The following DOCK7 variants were observed in gnomAD, a reference collection of about 807,000 sequenced individuals.
DOCK7 encodes the protein dedicator of cytokinesis 7.
DOCK7 carries 138 observed loss-of-function variants against 271.0 expected under a neutral mutation model. That is an observed-to-expected ratio of 0.51 (90% CI 0.44 to 0.59). The LOEUF is 0.59. Ranked by LOEUF, DOCK7 falls within the 20% of genes least tolerant of loss-of-function variation. The pLI is 0.00. For missense variants in DOCK7, 2,066 were observed against 2,592.4 expected (o/e 0.80, Z 4.41); for synonymous variants, 823 against 876.1 (o/e 0.94, Z 1.07).
At chr1:62,501,583 G>T (rs1270718194) in intron 37 of DOCK7, among the ~76,000 whole-genome samples, 1 of 152,068 alleles carries the variant, frequency 6.6e-6, no homozygotes. Flanking sequence ...TCATTAAAGG[G>T]AGTTAATAGA....
At chr1:62,513,020 A>AT (rs1644534255) in intron 33 of DOCK7, among the ~76,000 whole-genome samples, 1 of 151,960 alleles carries the variant, frequency 6.6e-6, no homozygotes, top group South Asian at 2.1e-4. Context: ...CAACAAATGC[A>AT]CTACTCTGAT....
At chr1:62,644,779 T>C (rs1656440344) in intron 7 of DOCK7, among the ~76,000 whole-genome samples, 1 of 152,220 alleles carries the variant, frequency 6.6e-6, no homozygotes, top group Admixed American at 6.5e-5. Context: ...TCTGACTGTT[T>C]CTGAACTTCT....
chr1:62,487,614 T>C (rs890708429), intron 42 of DOCK7: 8 of 470,790 alleles, frequency 1.7e-5, no homozygotes, highest in Non-Finnish European at 2.7e-5. Context: ...ATTTTGCCTT[T>C]TAAAAACTTT....
At chr1:62,640,673 TA>T in intron 7 of DOCK7, among the ~76,000 whole-genome samples, 1 of 152,208 alleles carries the variant, frequency 6.6e-6, no homozygotes, top group Non-Finnish European at 1.5e-5. Context: ...TGTCTATAAA[TA>T]CCCTTTGTAC....
At chr1:62,604,569 A>G in intron 14 of DOCK7, 1 of 1,498,092 alleles carries the variant, frequency 6.7e-7, no homozygotes, top group Non-Finnish European at 9.3e-7. Context: ...ACTTACGGGG[A>G]AATACAGTAA....
chr1:62,471,539 T>C (rs1485193670), intron 48 of DOCK7, among the ~76,000 whole-genome samples: 1 of 152,266 alleles, frequency 6.6e-6, no homozygotes, highest in Admixed American at 6.5e-5. Context: ...GGCATGGTGG[T>C]GCACACCATA....
chr1:62,561,712 T>C lies in DOCK7; in HGVS notation c.2113-9A>G, dbSNP rs531912714. 9 of 1,507,152 alleles carry C rather than the reference T, an allele frequency of 6.0e-6. No homozygotes were observed. The African/African-American group carries it at 6.0e-5, about 10-fold the overall frequency. The allele number at this position is 1,507,152 out of a possible 1,614,324, so 93.4% of individuals were successfully genotyped here. ...ATGCCAGGTAGAGGAACCTGTAAGA[T>C]ATTAAATATAATGATCACAGATGCT... is the stretch of plus-strand genomic sequence containing the variant. On this transcript the variant is annotated splice_polypyrimidine_tract_variant and intron_variant, in intron 18 of 49. Transcript: ENST00000635253.
At chr1:62,487,636 C>A in intron 42 of DOCK7, 1 of 437,168 alleles carries the variant, frequency 2.3e-6, no homozygotes, top group Non-Finnish European at 4.2e-6. Flanking sequence ...AGTGAAAGTA[C>A]AAATTTTAGG....
At position 62,604,743 on chromosome 1, in the gene DOCK7, C is replaced by A. The variant is rs1650714543; in HGVS notation, c.1682+13963G>T. 2 of 1,613,110 alleles carry A rather than the reference C, an allele frequency of 1.2e-6. No individual in the cohort carries two copies. Among genetic ancestry groups the A allele is most frequent in the Non-Finnish European group, 1.7e-6 (2 of 1,179,358 alleles). On this transcript the variant is annotated intron_variant, in intron 14 of 49. Transcript: ENST00000635253. The stretch of plus-strand genomic sequence containing the variant: ...GAGAAGAGGATTATCTTGGAAGTCT[C>A]AAAATGGAAGGTTATACTCTATAAA...
intron 14 of DOCK7, chr1:62,598,139 A>G (rs1649563825): frequency 7.6e-7 from 1 of 1,318,800 alleles, no homozygotes; most frequent in Non-Finnish European, 1.0e-6. Context: ...AAGGCATGCC[A>G]TTTGAAATAC....
At chr1:62,563,912 G>A (rs1020945576) in intron 18 of DOCK7, among the ~76,000 whole-genome samples, 3 of 130,946 alleles carry the variant, frequency 2.3e-5, no homozygotes, top group Non-Finnish European at 3.1e-5. Flanking sequence ...AAAGGCAGGC[G>A]TTGTAATCCT....
chr1:62,639,018 A>G (rs1655645131), intron 7 of DOCK7, among the ~76,000 whole-genome samples: 1 of 152,148 alleles, frequency 6.6e-6, no homozygotes, highest in Admixed American at 6.5e-5. Context: ...GTACTACTGT[A>G]TATAAAGTGG....
chr1:62,639,462 TCTCG>T (rs1338863520), intron 7 of DOCK7, among the ~76,000 whole-genome samples: 3 of 120,200 alleles, frequency 2.5e-5, no homozygotes, highest in African/African-American at 1.0e-4. Context: ...TGAGATGGAG[TCTCG>T]CTCTGTCGCC....
intron 22 of DOCK7, among the ~76,000 whole-genome samples, chr1:62,552,024 GCTT>G (rs1439577780): frequency 1.3e-5 from 2 of 151,936 alleles, no homozygotes; most frequent in African/African-American, 2.4e-5. Context: ...GCTGTCTATA[GCTT>G]CTTTTCTTTA....
At chr1:62,565,826 T>C (rs1330774766) in intron 18 of DOCK7, among the ~76,000 whole-genome samples, 1 of 152,090 alleles carries the variant, frequency 6.6e-6, no homozygotes, top group Non-Finnish European at 1.5e-5. Context: ...CAGCCCAAAA[T>C]CTCCTTAAGC....
At chr1:62,511,951 G>T (rs1054013058) in intron 33 of DOCK7, among the ~76,000 whole-genome samples, 2 of 151,902 alleles carry the variant, frequency 1.3e-5, no homozygotes, top group Admixed American at 6.6e-5. Context: ...CTTAAATGTA[G>T]AAATGTAAAT....
At chr1:62,545,713 T>C (rs1645683194) in intron 22 of DOCK7, among the ~76,000 whole-genome samples, 1 of 152,138 alleles carries the variant, frequency 6.6e-6, no homozygotes, top group Non-Finnish European at 1.5e-5. Flanking sequence ...GAATTATATC[T>C]TCATCATCAT....
chr1:62,574,700 T>C (rs754679657), intron 18 of DOCK7, among the ~76,000 whole-genome samples: 4 of 152,152 alleles, frequency 2.6e-5, no homozygotes, highest in Non-Finnish European at 5.9e-5. Context: ...AACAAACGAA[T>C]AAAGATTGGC....
chr1:62,488,733 G>A (rs1646369565), intron 42 of DOCK7: 2 of 656,848 alleles, frequency 3.0e-6, no homozygotes, highest in Admixed American at 4.7e-5. Context: ...AGTTTATGAT[G>A]ATCACCATTT....
Sources: allele counts gnomAD v4.1 joint callset (sites outside exome capture counted in the v4.1 genomes callset), GRCh38; gene constraint gnomAD v4.1.1; transcripts MANE v1.5; gene names NCBI Gene and HGNC (gene_info 2026-07-23, HGNC 2026-07-21).